Variants in SLC16A10 observed in about 807,000 individuals in gnomAD.
SLC16A10 encodes the protein solute carrier family 16 member 10.
In SLC16A10, 27 loss-of-function variants were observed where a neutral mutation model predicts 40.0. The ratio of observed to expected loss-of-function variants is 0.67; its 90% confidence interval spans 0.50 to 0.93. The LOEUF (loss-of-function observed/expected upper bound fraction) is 0.93, where lower values mean the gene tolerates loss of function less well. Among genes scored for constraint, SLC16A10 ranks in the 40% least tolerant of loss-of-function variants. The pLI is 0.00. For missense variants in SLC16A10, 529 were observed against 658.2 expected (o/e 0.80, Z 2.15); for synonymous variants, 213 against 249.8 (o/e 0.85, Z 1.39).
intron 1 of SLC16A10, among the ~76,000 whole-genome samples, chr6:111,152,266 A>G (rs537735503): frequency 6.6e-6 from 1 of 152,302 alleles, no homozygotes; most frequent in African/African-American, 2.4e-5. Context: ...CAGCATATCA[A>G]CAGTTCTTTC....
chr6:111,092,309 TTTGTTG>T, intron 1 of SLC16A10, among the ~76,000 whole-genome samples: 2 of 140,000 alleles, frequency 1.4e-5, no homozygotes, highest in South Asian at 4.3e-4. Context: ...TGTCTCTTTT[TTTGTTG>T]TTTTTTTTTT....
rs189314202 is a variant in SLC16A10 at position 111,152,291 on chromosome 6, C to T, written c.344-20404C>T. 4.3e-3 allele frequency among the ~76,000 whole-genome samples: 656 copies of T among 152,192 alleles called. 2 individuals are homozygous for T. Among genetic ancestry groups the T allele is most frequent in the African/African-American group, 0.015 (602 of 41,506 alleles). On this transcript the variant is annotated intron_variant, in intron 1 of 5. Coordinates refer to ENST00000368851, the MANE Select transcript of SLC16A10 (RefSeq NM_018593.5). The stretch of plus-strand genomic sequence containing the variant: ...ACAGTTCTTTCTAGCTTTTGTCCCC[C>T]GGTAGAATGGCAGCTCCATGAAGAC...
Position 111,087,807 on chromosome 6 carries a change from C to A in SLC16A10, c.55C>A (p.Pro19Thr). The change falls in exon 1 of 6, where the codon CCG becomes ACG. Residue 19 changes from proline to threonine, a missense_variant. Physicochemically the swap from Pro to Thr is conservative, Grantham distance 38 (BLOSUM62 -1). Coordinates refer to ENST00000368851, the MANE Select transcript of SLC16A10 (RefSeq NM_018593.5). ...CGCGCGGGGCACGAGCGAGGCGCAG[C>A]CGCTCGGCCCCGCGCCCACGGGGGC... ...DSARGTSEAQ[P>T]LGPAPTGAAP... The A allele has an allele frequency of 7.8e-7, 1 of 1,284,464 alleles. No individual in the cohort carries two copies. The highest frequency in any genetic ancestry group is 1.6e-5 in the African/African-American group (1 of 64,170). 79.6% of individuals were successfully genotyped at this position (1,284,464 alleles called of 1,614,324 possible).
intron 1 of SLC16A10, among the ~76,000 whole-genome samples, chr6:111,163,936 C>T (rs570548526): frequency 3.3e-5 from 5 of 152,270 alleles, no homozygotes; most frequent in East Asian, 3.9e-4. Flanking sequence ...TAATTCTGTC[C>T]AATCTTAACC....
chr6:111,230,689 C>G lies in SLC16A10; in HGVS notation c.*8454C>G, dbSNP rs1289362157. The G allele has an allele frequency of 6.6e-6, 1 of 152,096 alleles. No individual in the cohort carries two copies. Among genetic ancestry groups the G allele is most frequent in the Non-Finnish European group, 1.5e-5 (1 of 68,026 alleles). The allele number at this position is 152,096 out of a possible 1,614,324, so 9.4% of individuals were successfully genotyped here. On this transcript the variant is annotated 3_prime_UTR_variant, in exon 6 of 6. Transcript: ENST00000368851. ...AAGTTATAGCTACAACAAATTGAAC[C>G]CTGTAGTTATTACTGAAAGAGAGTG...
chr6:111,213,518 T>C (rs976012926), intron 4 of SLC16A10, among the ~76,000 whole-genome samples: 2 of 152,232 alleles, frequency 1.3e-5, no homozygotes, highest in African/African-American at 4.8e-5. Context: ...ATTTTACATT[T>C]GCCTAAAGAT....
intron 1 of SLC16A10, among the ~76,000 whole-genome samples, chr6:111,125,800 C>T (rs1027970799): frequency 1.3e-5 from 2 of 152,126 alleles, no homozygotes; most frequent in Non-Finnish European, 1.5e-5. Flanking sequence ...ACTTGGCCAA[C>T]AGGTAGGATG....
At chr6:111,202,574 A>G (rs1250882798) in intron 3 of SLC16A10, among the ~76,000 whole-genome samples, 2 of 152,048 alleles carry the variant, frequency 1.3e-5, no homozygotes, top group African/African-American at 4.8e-5. Flanking sequence ...GATTAAACAG[A>G]TGTTTAAGAA....
chr6:111,214,037 G>A (rs1428298013), intron 4 of SLC16A10, among the ~76,000 whole-genome samples: 6 of 152,136 alleles, frequency 3.9e-5, no homozygotes, highest in Admixed American at 1.3e-4. Context: ...AACCTAAACT[G>A]ACATTTCTCC....
In SLC16A10 at chr6:111,087,558, C is replaced by T. The variant is rs1770887919; in HGVS notation, c.-195C>T. On this transcript the variant is annotated 5_prime_UTR_variant, in exon 1 of 6. Transcript: ENST00000368851. ...CTTCAGTGTCGATCCCCGAGGTGTT[C>T]GCGCGCGCCAGCTGTCCTCGCGGCC... 1 of 223,484 alleles carries T rather than the reference C, an allele frequency of 4.5e-6. No homozygotes were observed. 13.8% of individuals were successfully genotyped at this position (223,484 alleles called of 1,614,324 possible). A position where few individuals can be genotyped will look rare whatever the true frequency, so the allele number is the denominator to read the frequency against.
rs994530863 is a variant in SLC16A10 at position 111,224,788 on chromosome 6, C to G, written c.*2553C>G. On this transcript the variant is annotated 3_prime_UTR_variant, in exon 6 of 6. Transcript: ENST00000368851. ...TGCTTTAATCTAGTCAAACTAAATC[C>G]TTTCTAATTTCTGAATGAAGTGTTA... 6.6e-6 allele frequency: 1 copy of G among 152,118 alleles called. No homozygotes were observed. The highest frequency in any genetic ancestry group is 1.5e-5 in the Non-Finnish European group (1 of 68,020). The allele number at this position is 152,118 out of a possible 1,614,324, so 9.4% of individuals were successfully genotyped here. A position where few individuals can be genotyped will look rare whatever the true frequency, so the allele number is the denominator to read the frequency against.
At chr6:111,208,407 G>A (rs968027445) in intron 4 of SLC16A10, among the ~76,000 whole-genome samples, 3 of 152,034 alleles carry the variant, frequency 2.0e-5, no homozygotes, top group African/African-American at 4.8e-5. Context: ...GTGAAACCCC[G>A]TCTCTACTAA....
chr6:111,108,230 G>A (rs1771319636), intron 1 of SLC16A10, among the ~76,000 whole-genome samples: 1 of 152,084 alleles, frequency 6.6e-6, no homozygotes, highest in South Asian at 2.1e-4. Flanking sequence ...ATGTTGACCA[G>A]GCTGGTCTTG....
intron 4 of SLC16A10, among the ~76,000 whole-genome samples, chr6:111,213,062 G>A (rs930499462): frequency 5.3e-5 from 8 of 152,208 alleles, no homozygotes; most frequent in Non-Finnish European, 1.0e-4. Context: ...TTGGAAGGGT[G>A]AGAATATTTC....
At chr6:111,183,817 T>C (rs903472978) in intron 3 of SLC16A10, among the ~76,000 whole-genome samples, 19 of 152,150 alleles carry the variant, frequency 1.2e-4, no homozygotes, top group African/African-American at 4.1e-4. Flanking sequence ...AGTAACTGTG[T>C]CTTCAGTACC....
At chr6:111,190,348 G>A (rs898670433) in intron 3 of SLC16A10, among the ~76,000 whole-genome samples, 1 of 152,212 alleles carries the variant, frequency 6.6e-6, no homozygotes, top group African/African-American at 2.4e-5. Context: ...TTCATGGGCT[G>A]GCATTGAGTG....
intron 1 of SLC16A10, among the ~76,000 whole-genome samples, chr6:111,131,123 T>G: frequency 6.6e-6 from 1 of 152,250 alleles, no homozygotes. Context: ...TGGCTCAAGC[T>G]GAGCTTTCGC....
At chr6:111,093,214 C>T (rs1415472969) in intron 1 of SLC16A10, among the ~76,000 whole-genome samples, 2 of 152,016 alleles carry the variant, frequency 1.3e-5, no homozygotes, top group Non-Finnish European at 2.9e-5. Flanking sequence ...TTGTCTCACA[C>T]ACAAAAAAAG....
chr6:111,174,213 T>C (rs2114544170), intron 2 of SLC16A10, among the ~76,000 whole-genome samples: 1 of 152,342 alleles, frequency 6.6e-6, no homozygotes, highest in Admixed American at 6.5e-5. Flanking sequence ...TTATCTTCAT[T>C]TCCTGCCTCT....
Sources: gnomAD v4.1 joint callset for allele counts (sites outside exome capture counted in the v4.1 genomes callset) on GRCh38, gnomAD v4.1.1 for gene constraint, MANE v1.5 for transcripts, NCBI Gene and HGNC (gene_info 2026-07-23, HGNC 2026-07-21) for gene names.